The following ERBB4 variants were observed in gnomAD, a reference collection of about 807,000 sequenced individuals.
The protein encoded by ERBB4 is receptor tyrosine-protein kinase erbB-4.
Under a neutral mutation model 158.0 loss-of-function variants are expected in ERBB4, and 42 were observed. The observed-to-expected ratio is 0.27, with a 90% CI of 0.21 to 0.34. The LOEUF (loss-of-function observed/expected upper bound fraction) is 0.34. Among genes scored for constraint, ERBB4 ranks in the 10% least tolerant of loss-of-function variants. ERBB4 has a pLI of 1.00. For synonymous variants in ERBB4, 583 were observed against 558.7 expected, an observed-to-expected ratio of 1.04 and a Z score of -0.61; for missense variants, 1,333 against 1,624.1, an observed-to-expected ratio of 0.82 and a Z score of 3.08.
At chr2:211,886,299 C>T (rs73073333) in intron 3 of ERBB4, among the ~76,000 whole-genome samples, 21,485 of 152,148 alleles carry the variant, frequency 0.14, 1,876 homozygotes, top group African/African-American at 0.24. Context: ...TTTTTCATAG[C>T]TTTTATGCCT....
chr2:212,307,913 C>T (rs999613042), intron 1 of ERBB4, among the ~76,000 whole-genome samples: 1 of 150,856 alleles, frequency 6.6e-6, no homozygotes, highest in Admixed American at 6.6e-5. Context: ...TGAACAGCAG[C>T]ATTGCATCTT....
intron 1 of ERBB4, among the ~76,000 whole-genome samples, chr2:212,509,463 T>C (rs980640823): frequency 2.0e-5 from 3 of 152,066 alleles, no homozygotes; most frequent in Non-Finnish European, 4.4e-5. Flanking sequence ...GTAATCACGA[T>C]AGGTTAACAA....
At chr2:212,373,826 T>TGTATATATATCCATGTATATATCC (rs1457229198) in intron 1 of ERBB4, among the ~76,000 whole-genome samples, 1 of 40,580 alleles carries the variant, frequency 2.5e-5, no homozygotes, top group Non-Finnish European at 4.9e-5. Flanking sequence ...TATATATCCA[T>TGTATATATATCCATGTATATATCC]ATATATATAT....
intron 19 of ERBB4, among the ~76,000 whole-genome samples, chr2:211,580,842 T>G (rs2068064273): frequency 3.5e-5 from 3 of 85,764 alleles, no homozygotes; most frequent in African/African-American, 1.1e-4. Context: ...ATAGATTATA[T>G]ATTATATATA....
chr2:212,123,710 T>C (rs2079831500), intron 2 of ERBB4, among the ~76,000 whole-genome samples: 1 of 152,200 alleles, frequency 6.6e-6, no homozygotes, highest in Non-Finnish European at 1.5e-5. Flanking sequence ...TCTGAGGTTG[T>C]TACCAATTTT....
At chr2:211,396,076 G>A (rs1014353331) in intron 25 of ERBB4, among the ~76,000 whole-genome samples, 3 of 151,844 alleles carry the variant, frequency 2.0e-5, no homozygotes, top group African/African-American at 7.2e-5. Context: ...AATTTGAAAT[G>A]TAATGTCTTT....
intron 25 of ERBB4, among the ~76,000 whole-genome samples, chr2:211,392,499 C>T (rs1489080478): frequency 6.7e-6 from 1 of 149,664 alleles, no homozygotes; most frequent in Non-Finnish European, 1.5e-5. Flanking sequence ...TTTATTTAGT[C>T]ATTTTTCTAT....
intron 1 of ERBB4, among the ~76,000 whole-genome samples, chr2:212,396,102 G>A (rs965410181): frequency 6.6e-6 from 1 of 152,112 alleles, no homozygotes; most frequent in Non-Finnish European, 1.5e-5. Flanking sequence ...TTTTAAGCGT[G>A]TGCTCAAATA....
At chr2:212,322,826 G>A (rs9288452) in intron 1 of ERBB4, among the ~76,000 whole-genome samples, 29,677 of 149,850 alleles carry the variant, frequency 0.2, 5,286 homozygotes, top group African/African-American at 0.43. Flanking sequence ...GGAAGCATTC[G>A]GTACAAACAT....
At chr2:212,106,670 C>T (rs953825870) in intron 2 of ERBB4, among the ~76,000 whole-genome samples, 4 of 152,230 alleles carry the variant, frequency 2.6e-5, no homozygotes, top group African/African-American at 9.6e-5. Flanking sequence ...ATGTCAGAGA[C>T]CTTCAAAGCA....
At chr2:211,488,402 G>A (rs2065259193) in intron 20 of ERBB4, among the ~76,000 whole-genome samples, 1 of 152,038 alleles carries the variant, frequency 6.6e-6, no homozygotes, top group African/African-American at 2.4e-5. Flanking sequence ...TCATGAGGAT[G>A]GAGATATTGT....
At chr2:211,841,403 G>A (rs13024515) in intron 3 of ERBB4, among the ~76,000 whole-genome samples, 32,922 of 151,718 alleles carry the variant, frequency 0.22, 3,662 homozygotes, top group South Asian at 0.33. Context: ...GAAATATTGT[G>A]CCTGACAATA....
At chr2:212,218,517 C>T (rs1290035376) in intron 1 of ERBB4, among the ~76,000 whole-genome samples, 1 of 151,294 alleles carries the variant, frequency 6.6e-6, no homozygotes, top group African/African-American at 2.4e-5. Flanking sequence ...GCCATGTTCT[C>T]ATAAGATTTA....
At chr2:212,272,913 T>C (rs1378569016) in intron 1 of ERBB4, among the ~76,000 whole-genome samples, 1 of 151,578 alleles carries the variant, frequency 6.6e-6, no homozygotes, top group Non-Finnish European at 1.5e-5. Context: ...TTAAATATAA[T>C]TTAATTATTT....
intron 3 of ERBB4, among the ~76,000 whole-genome samples, chr2:211,824,213 C>T (rs997440370): frequency 5.9e-5 from 9 of 152,040 alleles, no homozygotes; most frequent in African/African-American, 2.2e-4. Flanking sequence ...TGCCTAGATT[C>T]TCATTCCTTC....
intron 1 of ERBB4, among the ~76,000 whole-genome samples, chr2:212,528,292 G>A (rs1013880240): frequency 2.6e-5 from 4 of 152,062 alleles, no homozygotes; most frequent in Non-Finnish European, 4.4e-5. Flanking sequence ...CTGCCGCCGT[G>A]AGAAAGTCGT....
intron 1 of ERBB4, among the ~76,000 whole-genome samples, chr2:212,368,086 T>C (rs2089954479): frequency 6.6e-6 from 1 of 152,136 alleles, no homozygotes; most frequent in Non-Finnish European, 1.5e-5. Flanking sequence ...ATTGGATATC[T>C]ACCCAGAGGA....
intron 1 of ERBB4, among the ~76,000 whole-genome samples, chr2:212,167,842 G>T (rs1488476718): frequency 3.9e-5 from 6 of 152,012 alleles, no homozygotes; most frequent in African/African-American, 1.5e-4. Context: ...TACAGGAACA[G>T]AAAACCAAAC....
chr2:211,559,445 T>C (rs2067326378), intron 20 of ERBB4, among the ~76,000 whole-genome samples: 1 of 152,226 alleles, frequency 6.6e-6, no homozygotes, highest in Admixed American at 6.5e-5. Context: ...TTTAGGACTT[T>C]TCTGTGCCTG....
Sources: allele counts gnomAD v4.1 joint callset (sites outside exome capture counted in the v4.1 genomes callset), GRCh38; gene constraint gnomAD v4.1.1; transcripts MANE v1.5; gene names NCBI Gene and HGNC (gene_info 2026-07-23, HGNC 2026-07-21).